Variants in CBX7 observed in about 807,000 individuals in gnomAD.
The protein encoded by CBX7 is chromobox protein homolog 7.
Under a neutral mutation model 31.4 loss-of-function variants are expected in CBX7, and 14 were observed. That is an observed-to-expected ratio of 0.45 (90% CI 0.29 to 0.70). The LOEUF (loss-of-function observed/expected upper bound fraction) is 0.70, where lower values mean the gene tolerates loss of function less well. CBX7 is among the 30% of genes least tolerant of loss of function. The pLI, the probability that CBX7 is intolerant of heterozygous loss-of-function variation, is 0.11. For synonymous variants in CBX7, 159 were observed against 152.6 expected (o/e 1.04, Z -0.31); for missense variants, 269 against 351.9 (o/e 0.76, Z 1.89).
chr22:39,152,259 A>G lies in CBX7; in HGVS notation c.69+117T>C. 2 of 428,630 alleles carry G rather than the reference A, an allele frequency of 4.7e-6. No individual in the cohort carries two copies. The highest frequency in any genetic ancestry group is 5.2e-5 in the East Asian group (1 of 19,064). 26.6% of individuals were successfully genotyped at this position (428,630 alleles called of 1,614,324 possible). On this transcript the variant is annotated intron_variant, in intron 1 of 5. Coordinates refer to ENST00000216133, the MANE Select transcript of CBX7 (RefSeq NM_175709.5). This position sits in a 1 kb window ranked among gnomAD's most constrained non-coding sequence, Gnocchi z 4.9. ...GCTGGGGAGACGGGCCCAGCAGCGC[A>G]GGGCTGCCGGGGCCCCCGCGCCCCG...
chr22:39,144,827 C>A (rs773804062), intron 2 of CBX7, among the ~76,000 whole-genome samples: 1 of 152,220 alleles, frequency 6.6e-6, no homozygotes, highest in Admixed American at 6.5e-5. Flanking sequence ...GGTGTGCGGC[C>A]GGGACCGCCA....
At position 39,131,578 on chromosome 22, in the gene CBX7, C is replaced by T. The variant is rs79502; in HGVS notation, c.*2313G>A. 104,683 of 152,228 alleles carry T rather than the reference C, an allele frequency of 0.69. 37,308 individuals carry two copies. Among genetic ancestry groups the T allele is most frequent in the African/African-American group, 0.9 (37,213 of 41,526 alleles). 9.4% of individuals were successfully genotyped at this position (152,228 alleles called of 1,614,324 possible). ...CTGAGCTGGGCACCTCAGGCCCACC[C>T]GTCCCAGGTCACACCCCTGGAGTTC... On this transcript the variant is annotated 3_prime_UTR_variant, in exon 6 of 6. Coordinates refer to ENST00000216133, the MANE Select transcript of CBX7 (RefSeq NM_175709.5).
intron 2 of CBX7, chr22:39,147,390 T>G (rs1388316467): frequency 2.1e-5 from 3 of 143,366 alleles, no homozygotes; most frequent in African/African-American, 7.6e-5. Flanking sequence ...AAATCATGGT[T>G]CCTGTTACTG....
chr22:39,146,946 CG>C (rs1002443917), intron 2 of CBX7, among the ~76,000 whole-genome samples: 2 of 152,092 alleles, frequency 1.3e-5, no homozygotes, highest in African/African-American at 4.8e-5. Context: ...TTCCCTGTCC[CG>C]GGCCCCGAGC....
At position 39,149,629 on chromosome 22, in the gene CBX7, A is replaced by C. The variant is rs1249608245; in HGVS notation, c.113+160T>G. The C allele has an allele frequency of 2.8e-5, 19 of 673,268 alleles. 1 individual carries two copies. The highest frequency in any genetic ancestry group is 4.8e-5 in the Non-Finnish European group (18 of 377,316). The allele number at this position is 673,268 out of a possible 1,614,324, so 41.7% of individuals were successfully genotyped here. Reference sequence around the variant, plus strand: ...TTGACCCTCCTGTGGTCCAGGGGGAAACTGAGGCCCAGAGAAGATGATGAT... The same window carrying C: ...TTGACCCTCCTGTGGTCCAGGGGGACACTGAGGCCCAGAGAAGATGATGAT... On this transcript the variant is annotated intron_variant, in intron 2 of 5. Transcript: ENST00000216133.
intron 4 of CBX7, chr22:39,136,879 T>C (rs890053119): frequency 2.6e-5 from 4 of 152,198 alleles, no homozygotes; most frequent in African/African-American, 9.7e-5. Flanking sequence ...TAGGCTCAAT[T>C]CATGCCAAAC....
At chr22:39,147,998 A>T (rs1156559424) in intron 2 of CBX7, 1 of 152,272 alleles carries the variant, frequency 6.6e-6, no homozygotes, top group Non-Finnish European at 1.5e-5. Context: ...TCACCCTCAC[A>T]GTAGCCTGCA....
intron 4 of CBX7, among the ~76,000 whole-genome samples, chr22:39,138,155 C>T (rs1193234212): frequency 6.7e-6 from 1 of 150,026 alleles, no homozygotes; most frequent in Middle Eastern, 3.5e-3. Context: ...TGCACTCCAG[C>T]CTGAGCGACA....
chr22:39,151,682 C>T (rs59851943), intron 1 of CBX7, among the ~76,000 whole-genome samples: 2 of 152,144 alleles, frequency 1.3e-5, no homozygotes, highest in African/African-American at 2.4e-5. Flanking sequence ...ACGCCAGGCC[C>T]GGACAAAGTC....
chr22:39,141,256 GC>G, intron 3 of CBX7, 114 bp downstream of exon 3: 1 of 807,914 alleles, frequency 1.2e-6, no homozygotes. Flanking sequence ...GGGCTGGCCT[GC>G]CCCATCGGAC....
chr22:39,140,418 C>A (rs1275244894), intron 3 of CBX7, among the ~76,000 whole-genome samples: 4 of 152,158 alleles, frequency 2.6e-5, no homozygotes, highest in Admixed American at 2.6e-4. Context: ...GATGGGGACA[C>A]CCTGATTTTA....
chr22:39,151,998 T>A (rs1270218989), intron 1 of CBX7, among the ~76,000 whole-genome samples: 1 of 152,116 alleles, frequency 6.6e-6, no homozygotes, highest in African/African-American at 2.4e-5. Context: ...GTGCCAAGCG[T>A]CCAGAGTCCC....
intron 4 of CBX7, chr22:39,136,848 A>G (rs139390): frequency 0.69 from 105,752 of 152,228 alleles, 38,281 homozygotes; most frequent in African/African-American, 0.92. Context: ...ACAGACGTCC[A>G]GGAGATGTTA....
At chr22:39,138,496 G>T in intron 4 of CBX7, 140 bp downstream of exon 4, 1 of 779,918 alleles carries the variant, frequency 1.3e-6, no homozygotes. Context: ...TTACCCAAGT[G>T]CCCCACCCCA....
chr22:39,143,650 C>G (rs1930539048), intron 2 of CBX7, among the ~76,000 whole-genome samples: 1 of 152,218 alleles, frequency 6.6e-6, no homozygotes, highest in Admixed American at 6.5e-5. Flanking sequence ...GGTGACAGAG[C>G]AACTTCCAGC....
chr22:39,145,778 C>T (rs1930636378), intron 2 of CBX7, among the ~76,000 whole-genome samples: 1 of 151,302 alleles, frequency 6.6e-6, no homozygotes, highest in African/African-American at 2.4e-5. Flanking sequence ...ATAAACACGG[C>T]CACGTGACCT....
In CBX7 at chr22:39,133,597, C is replaced by CAG. The variant is rs909186548; in HGVS notation, c.*293_*294insCT. ...TAACTCCCAGAACCAGCTGCTGCGT[C>CAG]ACTAGAGGAGAATGATAATGGTGGT... On this transcript the variant is annotated 3_prime_UTR_variant, in exon 6 of 6. Coordinates refer to ENST00000216133, the MANE Select transcript of CBX7 (RefSeq NM_175709.5). The CAG allele has an allele frequency of 1.9e-4, 52 of 266,878 alleles. No homozygotes were observed. Among genetic ancestry groups the CAG allele is most frequent in the African/African-American group, 1.1e-3 (48 of 45,284 alleles). The allele number at this position is 266,878 out of a possible 1,614,324, so 16.5% of individuals were successfully genotyped here.
At chr22:39,151,634 G>A (rs1229808225) in intron 1 of CBX7, among the ~76,000 whole-genome samples, 1 of 152,214 alleles carries the variant, frequency 6.6e-6, no homozygotes, top group African/African-American at 2.4e-5. Context: ...CCAGCCTTAG[G>A]CGAGCCCCCT....
chr22:39,141,303 GC>G (rs943716647), intron 3 of CBX7, 67 bp downstream of exon 3: 34 of 1,419,638 alleles, frequency 2.4e-5, no homozygotes, highest in Admixed American at 1.9e-5. Flanking sequence ...TGCCAAGCCA[GC>G]AGCAGGCTCC....
Sources: allele counts gnomAD v4.1 joint callset (sites outside exome capture counted in the v4.1 genomes callset), GRCh38; gene constraint gnomAD v4.1.1; non-coding constraint Gnocchi (gnomAD v3.1); transcripts MANE v1.5; gene names NCBI Gene and HGNC (gene_info 2026-07-23, HGNC 2026-07-21).